Variants in SLIT3 observed in about 807,000 individuals in gnomAD.
The protein encoded by SLIT3 is slit homolog 3 protein.
A neutral mutation model predicts 184.0 loss-of-function variants in SLIT3; 68 were observed. The ratio of observed to expected loss-of-function variants is 0.37; its 90% CI spans 0.30 to 0.45. The LOEUF is 0.45. SLIT3 is among the 20% of genes least tolerant of loss of function. The pLI is 1.00. For synonymous variants in SLIT3, 831 were observed against 828.6 expected (o/e 1.00, Z -0.05); for missense variants, 1,707 against 2,026.0 (o/e 0.84, Z 3.02).
chr5:168,743,421 T>C (rs917283263), intron 20 of SLIT3, among the ~76,000 whole-genome samples: 1 of 152,236 alleles, frequency 6.6e-6, no homozygotes, highest in African/African-American at 2.4e-5. Flanking sequence ...TGATCTTTGA[T>C]GTCTCTATTG....
intron 4 of SLIT3, among the ~76,000 whole-genome samples, chr5:169,146,384 C>A (rs1020488926): frequency 6.6e-6 from 1 of 152,340 alleles, no homozygotes; most frequent in East Asian, 1.9e-4. Flanking sequence ...TTTTCTCTTT[C>A]AAACGAGGGA....
At chr5:168,856,807 G>GTGTGCA (rs1491213110) in intron 5 of SLIT3, among the ~76,000 whole-genome samples, 3 of 98,034 alleles carry the variant, frequency 3.1e-5, no homozygotes, top group Non-Finnish European at 6.5e-5. Flanking sequence ...GTGTGTGTGT[G>GTGTGCA]CGCGCGCGCG....
At chr5:169,032,454 A>G (rs1480076476) in intron 4 of SLIT3, among the ~76,000 whole-genome samples, 1 of 152,114 alleles carries the variant, frequency 6.6e-6, no homozygotes, top group Non-Finnish European at 1.5e-5. Flanking sequence ...TTATAAAAAT[A>G]GTCATATTTA....
intron 4 of SLIT3, among the ~76,000 whole-genome samples, chr5:168,903,144 T>C (rs942844573): frequency 6.6e-6 from 1 of 152,256 alleles, no homozygotes; most frequent in African/African-American, 2.4e-5. Context: ...ATATTTCAGC[T>C]AATTCATATT....
intron 4 of SLIT3, among the ~76,000 whole-genome samples, chr5:168,984,429 C>A (rs1755054528): frequency 6.6e-6 from 1 of 152,170 alleles, no homozygotes; most frequent in Non-Finnish European, 1.5e-5. Flanking sequence ...AGTCACCTGG[C>A]ATGCTTCCTG....
intron 4 of SLIT3, among the ~76,000 whole-genome samples, chr5:169,005,351 A>G (rs1176489407): frequency 6.6e-6 from 1 of 152,204 alleles, no homozygotes; most frequent in Admixed American, 6.5e-5. Flanking sequence ...AGTTTTTGTA[A>G]AACAGAGAAT....
chr5:169,209,905 C>A (rs1055510146), intron 3 of SLIT3, among the ~76,000 whole-genome samples: 6 of 152,000 alleles, frequency 3.9e-5, no homozygotes, highest in African/African-American at 1.2e-4. Context: ...TGTAACAAAC[C>A]TGCACGTTCT....
At chr5:168,831,811 C>T (rs1404173923) in intron 6 of SLIT3, among the ~76,000 whole-genome samples, 1 of 152,176 alleles carries the variant, frequency 6.6e-6, no homozygotes, top group African/African-American at 2.4e-5. Flanking sequence ...AACAAAAGGG[C>T]TTGTCTTTGG....
At position 168,748,388 on chromosome 5, in the gene SLIT3, C is replaced by A; in HGVS notation, c.2184G>T (p.Gln728His). 1.3e-6 allele frequency: 2 copies of A among 1,519,914 alleles called. No individual in the cohort carries two copies. The highest frequency in any genetic ancestry group is 1.7e-6 in the Non-Finnish European group (2 of 1,145,526). The allele number at this position is 1,519,914 out of a possible 1,614,324, so 94.2% of individuals were successfully genotyped here. Residue 728 changes from glutamine to histidine, a missense_variant, in exon 20 of 36, where the codon CAG becomes CAT. Physicochemically the swap from Gln to His is conservative, Grantham distance 24. This residue lies in a region of SLIT3 where 1,307 missense variants were observed against 1,511.6 expected (regional missense o/e 0.86). Transcript: ENST00000519560. Reference protein sequence around the residue: ...SCQLSPRCPEQCTCMETVVRC... With the variant: ...SCQLSPRCPEHCTCMETVVRC... ...GCACCACTGTCTCCATACAGGTGCA[C>A]TGCTCCGGGCAGCGCGGGCTCAGCT...
intron 4 of SLIT3, among the ~76,000 whole-genome samples, chr5:168,937,594 G>A (rs1034008280): frequency 5.3e-5 from 8 of 152,230 alleles, no homozygotes; most frequent in South Asian, 2.1e-4. Flanking sequence ...CTTGTGCGGC[G>A]GAACGGGAGG....
At chr5:169,158,171 C>T (rs1036196996) in intron 4 of SLIT3, among the ~76,000 whole-genome samples, 16 of 152,136 alleles carry the variant, frequency 1.1e-4, no homozygotes, top group South Asian at 2.1e-4. Context: ...TATGCCAAGA[C>T]GCACCATAGA....
chr5:169,098,277 G>A (rs998202938), intron 4 of SLIT3, among the ~76,000 whole-genome samples: 24 of 152,064 alleles, frequency 1.6e-4, no homozygotes, highest in Non-Finnish European at 3.1e-4. Context: ...CCCTTTTAAC[G>A]AGGACACCCC....
intron 20 of SLIT3, among the ~76,000 whole-genome samples, chr5:168,746,186 C>T (rs573741576): frequency 1.6e-3 from 249 of 152,278 alleles, no homozygotes; most frequent in African/African-American, 5.6e-3. Flanking sequence ...TATGCCTGTA[C>T]GTGCTAACCT....
intron 32 of SLIT3, among the ~76,000 whole-genome samples, chr5:168,675,805 A>G (rs1027297069): frequency 1.3e-5 from 2 of 152,206 alleles, no homozygotes; most frequent in Non-Finnish European, 2.9e-5. Flanking sequence ...CTGCAAAGCT[A>G]GTGATCCCTG....
chr5:169,289,398 C>A lies in SLIT3; in HGVS notation c.197+11115G>T, dbSNP rs139626896. Among the ~76,000 whole-genome samples, 60 of 152,358 alleles carry A rather than the reference C, an allele frequency of 3.9e-4. 1 individual carries two copies. In the East Asian group the frequency reaches 0.011, roughly 27 times the overall value. On this transcript the variant is annotated intron_variant, in intron 1 of 35. Coordinates refer to ENST00000519560, the MANE Select transcript of SLIT3 (RefSeq NM_003062.4). ...GAACAGGACAGCTCTCCAATGAGATCATCACTGCTGCGCTTTTTAATTACA... is the reference window on the plus strand; with the variant it reads ...GAACAGGACAGCTCTCCAATGAGATAATCACTGCTGCGCTTTTTAATTACA...
chr5:168,685,728 C>A lies in SLIT3; in HGVS notation c.3514G>T (p.Ala1172Ser). 6.3e-7 allele frequency: 1 copy of A among 1,585,910 alleles called. No individual in the cohort carries two copies. The highest frequency in any genetic ancestry group is 2.2e-5 in the East Asian group (1 of 44,480). Residue 1172 changes from alanine (A) to serine (S), a missense_variant, in exon 31 of 36, where the codon GCC (alanine) becomes TCC (serine). Transcript: ENST00000519560. ...FVGKDSYVEL[A>S]SAKVRPQANI... is the part of the protein sequence containing the mutation. ...GCCTGGGGTCGGACCTTGGCGGAGGCCAGTTCCACGTAGGAGTCTTTGCCC... is the reference window on the plus strand; with the variant it reads ...GCCTGGGGTCGGACCTTGGCGGAGGACAGTTCCACGTAGGAGTCTTTGCCC...
intron 4 of SLIT3, among the ~76,000 whole-genome samples, chr5:169,147,788 A>T (rs554571132): frequency 6.6e-6 from 1 of 152,140 alleles, no homozygotes; most frequent in African/African-American, 2.4e-5. Flanking sequence ...AACCTGCGCC[A>T]GCTGTCAAGT....
chr5:168,985,358 G>T (rs987915648), intron 4 of SLIT3, among the ~76,000 whole-genome samples: 2 of 152,300 alleles, frequency 1.3e-5, no homozygotes, highest in Admixed American at 1.3e-4. Flanking sequence ...CGTCATATGA[G>T]ATTGGGCTTC....
intron 6 of SLIT3, among the ~76,000 whole-genome samples, chr5:168,836,075 T>C (rs902625633): frequency 6.6e-6 from 1 of 152,166 alleles, no homozygotes; most frequent in African/African-American, 2.4e-5. Flanking sequence ...TCATCCTTCC[T>C]TCCATTAAGC....
Sources: allele counts gnomAD v4.1 joint callset (sites outside exome capture counted in the v4.1 genomes callset), GRCh38; gene constraint gnomAD v4.1.1; regional missense constraint gnomAD v4.1.1; transcripts MANE v1.5; gene names NCBI Gene and HGNC (gene_info 2026-07-23, HGNC 2026-07-21).